The following ATF7IP2 variants were observed in gnomAD, a reference collection of about 807,000 sequenced individuals.
ATF7IP2 encodes the protein activating transcription factor 7 interacting protein 2, also known as activating transcription factor 7-interacting protein 2.
A neutral mutation model predicts 64.2 loss-of-function variants in ATF7IP2; 42 were observed. The observed-to-expected ratio is 0.65, with a 90% CI of 0.51 to 0.85. ATF7IP2 has a LOEUF of 0.85. Among genes scored for constraint, ATF7IP2 ranks in the 40% least tolerant of loss-of-function variants. ATF7IP2 has a pLI of 0.00. For synonymous variants in ATF7IP2, 308 were observed against 272.8 expected (o/e 1.13, Z -1.27); for missense variants, 933 against 784.2 (o/e 1.19, Z -2.27).
In ATF7IP2 at chr16:10,433,417, C is replaced by G. The variant is rs890911465; in HGVS notation, c.836-108C>G. 3 of 1,017,042 alleles carry G rather than the reference C, an allele frequency of 2.9e-6. No homozygotes were observed. The African/African-American group carries it at 4.9e-5, about 17-fold the overall frequency. The allele number at this position is 1,017,042 out of a possible 1,614,324, so 63.0% of individuals were successfully genotyped here. On this transcript the variant is annotated intron_variant, in intron 5 of 13. Transcript: ENST00000562102. ...CTTGAACTCCTGGCCTTAAGCCACCCTCCCTCCTTAGCCTCCCAGAGTGCT... is the reference window on the plus strand; with the variant it reads ...CTTGAACTCCTGGCCTTAAGCCACCGTCCCTCCTTAGCCTCCCAGAGTGCT...
chr16:10,419,887 C>G (rs981164900), intron 3 of ATF7IP2, among the ~76,000 whole-genome samples: 2 of 152,172 alleles, frequency 1.3e-5, no homozygotes, highest in East Asian at 3.8e-4. Context: ...TCCACCAAAC[C>G]AGTTGTTCTG....
chr16:10,404,400 G>T (rs1192297175), intron 1 of ATF7IP2, among the ~76,000 whole-genome samples: 1 of 152,076 alleles, frequency 6.6e-6, no homozygotes, highest in Non-Finnish European at 1.5e-5. Flanking sequence ...TTACAGGTGT[G>T]TGCCCCCAGA....
chr16:10,437,167 C>A (rs1221095989), intron 6 of ATF7IP2, among the ~76,000 whole-genome samples: 1 of 152,046 alleles, frequency 6.6e-6, no homozygotes, highest in Non-Finnish European at 1.5e-5. Context: ...GACTATGTTG[C>A]CTGCCACCAT....
In ATF7IP2 at chr16:10,390,230, A is replaced by G. The variant is rs75175248; in HGVS notation, c.-242+4108A>G. 2.7e-3 allele frequency among the ~76,000 whole-genome samples: 414 copies of G among 152,298 alleles called. 4 individuals are homozygous for G. The highest frequency in any genetic ancestry group is 9.5e-3 in the African/African-American group (393 of 41,562). On this transcript the variant is annotated intron_variant, in intron 1 of 13. Coordinates refer to ENST00000562102, the MANE Select transcript of ATF7IP2 (RefSeq NM_001393719.1). The stretch of plus-strand genomic sequence containing the variant: ...ACCCAATGAAGCAGGAAAAAACCCA[A>G]CTAAATCAGCATGCACCCATAACTT...
At chr16:10,418,284 C>T (rs2047918875) in intron 2 of ATF7IP2, among the ~76,000 whole-genome samples, 1 of 152,212 alleles carries the variant, frequency 6.6e-6, no homozygotes, top group Admixed American at 6.5e-5. Context: ...GTTCCTTGCC[C>T]TCATTCTGGT....
rs1010766456 is a variant in ATF7IP2, at chr16:10,406,187, C to G, written c.-241-8387C>G. Among the ~76,000 whole-genome samples, 96 of 152,296 alleles carry G rather than the reference C, an allele frequency of 6.3e-4. 1 individual carries two copies. The highest frequency in any genetic ancestry group is 2.1e-3 in the African/African-American group (86 of 41,568). Reference sequence around the variant, plus strand: ...GTGGTGCAATCACGGCTCACCACAGCCTCGACCTCCACAGGATCAAGCAAT... The same window carrying G: ...GTGGTGCAATCACGGCTCACCACAGGCTCGACCTCCACAGGATCAAGCAAT... On this transcript the variant is annotated intron_variant, in intron 1 of 13. Coordinates refer to ENST00000562102, the MANE Select transcript of ATF7IP2 (RefSeq NM_001393719.1).
intron 3 of ATF7IP2, among the ~76,000 whole-genome samples, chr16:10,422,961 G>C (rs2048015436): frequency 6.6e-6 from 1 of 152,136 alleles, no homozygotes; most frequent in South Asian, 2.1e-4. Flanking sequence ...ATTTAAACTA[G>C]AGGCCAGGTG....
intron 12 of ATF7IP2, among the ~76,000 whole-genome samples, chr16:10,474,867 G>A (rs960548046): frequency 1.3e-5 from 2 of 152,174 alleles, no homozygotes; most frequent in African/African-American, 4.8e-5. Context: ...TCATTAAAAG[G>A]TTGGGGGAAA....
chr16:10,387,865 G>C (rs1195605446), intron 1 of ATF7IP2: 1 of 120,844 alleles, frequency 8.3e-6, no homozygotes, highest in Non-Finnish European at 1.7e-5. Flanking sequence ...CACACACTGC[G>C]GTGACTTATC....
intron 4 of ATF7IP2, 39 bp from the exon 5 acceptor site, chr16:10,430,572 C>G: frequency 7.6e-7 from 1 of 1,309,658 alleles, no homozygotes; most frequent in Non-Finnish European, 1.1e-6. Context: ...CTTTTATTCA[C>G]TAGAGAAATG....
intron 2 of ATF7IP2, 68 bp from the exon 3 acceptor site, chr16:10,419,513 A>C (rs552729527): frequency 6.5e-6 from 1 of 153,224 alleles, no homozygotes; most frequent in East Asian, 1.9e-4. Context: ...ACTCATGGCA[A>C]TGGTGATCAC....
intron 1 of ATF7IP2, among the ~76,000 whole-genome samples, chr16:10,411,370 T>TTTGTTGTTG (rs3083563): frequency 4.3e-5 from 6 of 141,044 alleles, no homozygotes; most frequent in African/African-American, 5.3e-5. Context: ...TTTTTGGTGT[T>TTTGTTGTTG]TTGTTGTTGT....
At chr16:10,461,551 G>A (rs1009517301) in intron 9 of ATF7IP2, among the ~76,000 whole-genome samples, 1 of 152,092 alleles carries the variant, frequency 6.6e-6, no homozygotes, top group Non-Finnish European at 1.5e-5. Flanking sequence ...CAACAGTATG[G>A]ATTATTCCCA....
chr16:10,428,287 T>C (rs990973757), intron 3 of ATF7IP2, among the ~76,000 whole-genome samples: 1 of 152,226 alleles, frequency 6.6e-6, no homozygotes, highest in African/African-American at 2.4e-5. Flanking sequence ...TTACAAGTCT[T>C]TTGTATGCAT....
At position 10,480,983 on chromosome 16, in the gene ATF7IP2, C is replaced by T; in HGVS notation, c.1635+19C>T. ...AGTCCAGGTACTGAATCAAAGTGCT[C>T]TGTAAGGGATATTTATTCCAAATTG... On this transcript the variant is annotated intron_variant, in intron 13 of 13. Transcript: ENST00000562102. The T allele has an allele frequency of 6.5e-7, 1 of 1,529,968 alleles. No individual in the cohort carries two copies. Among genetic ancestry groups the T allele is most frequent in the Non-Finnish European group, 9.1e-7 (1 of 1,104,574 alleles). 94.8% of individuals were successfully genotyped at this position (1,529,968 alleles called of 1,614,324 possible).
At chr16:10,440,954 A>C (rs1428278779) in intron 8 of ATF7IP2, among the ~76,000 whole-genome samples, 2 of 151,742 alleles carry the variant, frequency 1.3e-5, no homozygotes, top group Non-Finnish European at 2.9e-5. Context: ...CCGTGTGTCC[A>C]TGTGTTCTCA....
chr16:10,413,357 C>T (rs926884482), intron 1 of ATF7IP2, among the ~76,000 whole-genome samples: 2 of 152,148 alleles, frequency 1.3e-5, no homozygotes, highest in Non-Finnish European at 2.9e-5. Context: ...TCCGCTTTTG[C>T]TGCTTCCTCA....
intron 8 of ATF7IP2, chr16:10,445,559 C>G (rs1034067185): frequency 6.6e-6 from 1 of 152,170 alleles, no homozygotes; most frequent in African/African-American, 2.4e-5. Context: ...GGCTGGAGTG[C>G]AATGGTGTGA....
chr16:10,396,340 C>G (rs766374068), intron 1 of ATF7IP2, among the ~76,000 whole-genome samples: 50 of 152,054 alleles, frequency 3.3e-4, no homozygotes, highest in Admixed American at 1.3e-4. Flanking sequence ...GCTCTTCATT[C>G]TGTTGATTGT....
Sources: gnomAD v4.1 joint callset for allele counts (sites outside exome capture counted in the v4.1 genomes callset) on GRCh38, gnomAD v4.1.1 for gene constraint, MANE v1.5 for transcripts, NCBI Gene and HGNC (gene_info 2026-07-23, HGNC 2026-07-21) for gene names.